COL27A1: variants seen among roughly 807,000 people sequenced by gnomAD.
The protein encoded by COL27A1 is collagen alpha-1(XXVII) chain.
In COL27A1, 106 loss-of-function variants were observed where a neutral mutation model predicts 251.3. That is an observed-to-expected ratio of 0.42 (90% CI 0.36 to 0.50). The LOEUF is 0.50. Among genes scored for constraint, COL27A1 ranks in the 20% least tolerant of loss-of-function variants. The pLI is 0.00. For missense variants in COL27A1, 2,325 were observed against 2,522.8 expected (o/e 0.92, Z 1.68); for synonymous variants, 1,000 against 986.3 (o/e 1.01, Z -0.26).
At position 114,264,409 on chromosome 9, in the gene COL27A1, G is replaced by T. The variant is rs747841271; in HGVS notation, c.3249+1G>T. The stretch of plus-strand genomic sequence containing the variant: ...GGAGCAAGGGTCCAGGGGCCTGAAG[G>T]TACCGACCCCTAGGACCTGCCCTTC... On this transcript the variant is annotated splice_donor_variant, in intron 29 of 60. Transcript: ENST00000356083. LOFTEE classifies it high-confidence loss of function. The T allele has an allele frequency of 6.3e-7, 1 of 1,578,482 alleles. No individual in the cohort carries two copies.
Position 114,168,505 on chromosome 9 carries a change from C to G in COL27A1, c.950C>G (p.Pro317Arg). ...CACCAGCATATGGCGGTGGGAGGCC[C>G]AGCCCAAACCCCGCTGCTACCTGCC... is the stretch of plus-strand genomic sequence containing the variant. ...NPHQHMAVGG[P>R]AQTPLLPAKL... The change falls in exon 3 of 61, where the codon CCA becomes CGA. Residue 317 changes from proline (P) to arginine (R), a missense_variant. This residue lies in a region of COL27A1 where 1,183 missense variants were observed against 1,144.1 expected (regional missense o/e 1.03). Transcript: ENST00000356083. The G allele has an allele frequency of 6.2e-7, 1 of 1,613,932 alleles. No homozygotes were observed. Among genetic ancestry groups the G allele is most frequent in the Non-Finnish European group, 8.5e-7 (1 of 1,179,892 alleles).
At chr9:114,229,243 A>G (rs1465018516) in intron 14 of COL27A1, among the ~76,000 whole-genome samples, 1 of 152,238 alleles carries the variant, frequency 6.6e-6, no homozygotes, top group African/African-American at 2.4e-5. Context: ...ACAGGTCAGG[A>G]TGGGCCAAGG....
At chr9:114,241,031 G>A (rs1832720540) in intron 21 of COL27A1, among the ~76,000 whole-genome samples, 2 of 152,228 alleles carry the variant, frequency 1.3e-5, no homozygotes, top group African/African-American at 4.8e-5. Context: ...GAGTGGCCTA[G>A]GGGCACCTCC....
intron 45 of COL27A1, among the ~76,000 whole-genome samples, chr9:114,289,625 G>A (rs1334243552): frequency 6.6e-6 from 1 of 152,172 alleles, no homozygotes; most frequent in African/African-American, 2.4e-5. Flanking sequence ...GGAGGAAGAG[G>A]AGGCAGAGAC....
rs1430378105 is a variant in COL27A1 at position 114,162,040 on chromosome 9, G to A, written c.63-675G>A. 2.6e-5 allele frequency among the ~76,000 whole-genome samples: 4 copies of A among 152,324 alleles called. No homozygotes were observed. The East Asian group carries it at 7.7e-4, about 29-fold the overall frequency. ...TGAGCAACTCATTCGGGGTCATACA[G>A]CTGATAAGTGACAAGGCCAGGTTTG... On this transcript the variant is annotated intron_variant, in intron 1 of 60. Transcript: ENST00000356083.
At chr9:114,206,339 T>A in intron 10 of COL27A1, 43 bp downstream of exon 10, 2 of 1,602,214 alleles carry the variant, frequency 1.2e-6, no homozygotes, top group African/African-American at 2.7e-5. Flanking sequence ...GGGTTCTAGG[T>A]GAGCATCACC....
rs186834632 is a variant in COL27A1, at chr9:114,265,194, T to C, written c.3339+84T>C. ...GGGTGCGGTGCTGATAATAACCACT[T>C]TTACCAAGTTCCTGTCCTTCTGTGG... is the stretch of plus-strand genomic sequence containing the variant. On this transcript the variant is annotated intron_variant, in intron 31 of 60. Coordinates refer to ENST00000356083, the MANE Select transcript of COL27A1 (RefSeq NM_032888.4). 1.3e-5 allele frequency: 15 copies of C among 1,198,056 alleles called. No individual in the cohort carries two copies. The East Asian group carries it at 3.3e-4, about 26-fold the overall frequency. 74.2% of individuals were successfully genotyped at this position (1,198,056 alleles called of 1,614,324 possible). A position where few individuals can be genotyped will look rare whatever the true frequency, so the allele number is the denominator to read the frequency against.
chr9:114,240,587 CCCT>C, intron 21 of COL27A1, 100 bp downstream of exon 21: 1 of 1,186,408 alleles, frequency 8.4e-7, no homozygotes, highest in Non-Finnish European at 1.2e-6. Flanking sequence ...GGCTGGAGCC[CCCT>C]CAGCCAGGAC....
intron 49 of COL27A1, 64 bp from the exon 50 acceptor site, chr9:114,300,005 AG>A: frequency 6.5e-7 from 1 of 1,526,748 alleles, no homozygotes; most frequent in South Asian, 1.1e-5. Context: ...CTGAGGTCCC[AG>A]GTGGCTGGCG....
At chr9:114,284,521 A>T (rs1198926735) in intron 40 of COL27A1, among the ~76,000 whole-genome samples, 2 of 152,046 alleles carry the variant, frequency 1.3e-5, no homozygotes, top group Non-Finnish European at 2.9e-5. Flanking sequence ...CAGCTGGAAC[A>T]CCCCTTTGGG....
rs751248631 is a variant in COL27A1, at chr9:114,289,013, G to A, written c.4152+46G>A. ...CATCCCTGCCTCCCACCCTGAGTGG[G>A]GCGGAGCAGTGGGAATTAAAGAACT... On this transcript the variant is annotated intron_variant, in intron 44 of 60. Transcript: ENST00000356083. 3.7e-6 allele frequency: 6 copies of A among 1,606,878 alleles called. No individual in the cohort carries two copies. The African/African-American group carries it at 4.0e-5, about 11-fold the overall frequency.
chr9:114,236,126 C>T (rs548155999), intron 17 of COL27A1, among the ~76,000 whole-genome samples: 25 of 152,170 alleles, frequency 1.6e-4, no homozygotes, highest in African/African-American at 3.4e-4. Context: ...GCTACCCGCC[C>T]GGGACCCCCT....
intron 37 of COL27A1, among the ~76,000 whole-genome samples, chr9:114,280,369 A>T (rs1306149723): frequency 6.6e-6 from 1 of 152,008 alleles, no homozygotes; most frequent in Non-Finnish European, 1.5e-5. Flanking sequence ...TACCTGGCTA[A>T]TTTTTGTATT....
chr9:114,187,328 GT>G (rs1268471130), intron 5 of COL27A1, among the ~76,000 whole-genome samples: 1 of 152,252 alleles, frequency 6.6e-6, no homozygotes, highest in African/African-American at 2.4e-5. Context: ...ATATGGAGAA[GT>G]CCAGAAGATG....
chr9:114,306,384 A>C, intron 57 of COL27A1, 136 bp from the exon 58 acceptor site: 1 of 810,536 alleles, frequency 1.2e-6, no homozygotes, highest in Non-Finnish European at 1.9e-6. Context: ...AATAAAGAGA[A>C]ACCCAACCCG....
chr9:114,155,909 C>T lies in COL27A1; in HGVS notation c.-42C>T. 8.3e-7 allele frequency: 1 copy of T among 1,200,614 alleles called. No individual in the cohort carries two copies. The highest frequency in any genetic ancestry group is 1.0e-6 in the Non-Finnish European group (1 of 965,320). The allele number at this position is 1,200,614 out of a possible 1,614,324, so 74.4% of individuals were successfully genotyped here. A position where few individuals can be genotyped will look rare whatever the true frequency, so the allele number is the denominator to read the frequency against. On this transcript the variant is annotated 5_prime_UTR_variant, in exon 1 of 61. Coordinates refer to ENST00000356083, the MANE Select transcript of COL27A1 (RefSeq NM_032888.4). The surrounding 1 kb of genome is among the most constrained non-coding windows in gnomAD (Gnocchi z 5.5). ...CTGGCGGCCCCATGGGGCGCGCCCA[C>T]ACTTGCCCCCCGGGCTCGGGAGCAT...
intron 15 of COL27A1, among the ~76,000 whole-genome samples, chr9:114,231,487 G>T (rs1230856741): frequency 6.6e-6 from 1 of 152,210 alleles, no homozygotes; most frequent in Non-Finnish European, 1.5e-5. Flanking sequence ...AGGGCGTGCA[G>T]CAGGAAGGCA....
chr9:114,236,718 T>G (rs1364640631), intron 17 of COL27A1, among the ~76,000 whole-genome samples: 4 of 152,196 alleles, frequency 2.6e-5, no homozygotes, highest in African/African-American at 9.7e-5. Flanking sequence ...CCACAGAGCC[T>G]GCGTGCAGCC....
intron 3 of COL27A1, among the ~76,000 whole-genome samples, chr9:114,170,272 A>T (rs913754977): frequency 2.6e-5 from 4 of 152,218 alleles, no homozygotes; most frequent in Admixed American, 6.5e-5. Context: ...AGAAGAAAGA[A>T]CACGATTTGC....
Sources: allele counts gnomAD v4.1 joint callset (sites outside exome capture counted in the v4.1 genomes callset), GRCh38; gene constraint gnomAD v4.1.1; regional missense constraint gnomAD v4.1.1; non-coding constraint Gnocchi (gnomAD v3.1); transcripts MANE v1.5; gene names NCBI Gene and HGNC (gene_info 2026-07-23, HGNC 2026-07-21).